Variants in DACH2 observed in about 807,000 individuals in gnomAD.
The protein encoded by DACH2 is dachshund family transcription factor 2, also known as dachshund homolog 2.
In DACH2, 17 loss-of-function variants were observed where a neutral mutation model predicts 35.8. That is an observed-to-expected ratio of 0.48 (90% CI 0.33 to 0.71). The LOEUF (loss-of-function observed/expected upper bound fraction) is 0.71. Ranked by LOEUF, DACH2 falls within the 30% of genes least tolerant of loss-of-function variation. The probability of loss-of-function intolerance (pLI) is 0.02; values close to 1 mark genes in which losing one functional copy is unlikely to be tolerated. For missense variants in DACH2, 469 were observed against 472.7 expected (o/e 0.99, Z 0.07); for synonymous variants, 195 against 177.3 (o/e 1.10, Z -0.79).
chrX:86,670,961 C>T (rs768557172), intron 4 of DACH2, among the ~76,000 whole-genome samples: 2 of 111,807 alleles, frequency 1.8e-5, no homozygotes, highest in South Asian at 7.4e-4. Context: ...CAGATAGAAT[C>T]GCTAGTGACA....
At chrX:86,794,387 AGG>A (rs1244926917) in intron 7 of DACH2, among the ~76,000 whole-genome samples, 1 of 110,904 alleles carries the variant, frequency 9.0e-6, no homozygotes, top group African/African-American at 3.3e-5. Flanking sequence ...TAATTTTAGT[AGG>A]AGTAAAATTA....
At chrX:86,294,097 A>G (rs1163752998) in intron 1 of DACH2, among the ~76,000 whole-genome samples, 2 of 111,157 alleles carry the variant, frequency 1.8e-5, no homozygotes, top group Non-Finnish European at 3.8e-5. Context: ...ACATAGTCCC[A>G]TATTTCTTGG....
At position 86,632,033 on chromosome X, in the gene DACH2, C is replaced by A. The variant is rs1231356698; in HGVS notation, c.641-19003C>A. Among the ~76,000 whole-genome samples, 5 of 111,750 alleles carry A rather than the reference C, an allele frequency of 4.5e-5. No homozygotes were observed. The Admixed American group carries it at 4.8e-4, about 11-fold the overall frequency. On this transcript the variant is annotated intron_variant, in intron 3 of 11. Transcript: ENST00000373125. ...ATTGCTTCATAAAGGACCTTAAGGACAATCTGGCTGAATTCCATTTTGCAC... is the reference window on the plus strand; with the variant it reads ...ATTGCTTCATAAAGGACCTTAAGGAAAATCTGGCTGAATTCCATTTTGCAC...
In DACH2 at chrX:86,818,972, T is replaced by C. The variant is rs189125538; in HGVS notation, c.1750+2873T>C. Among the ~76,000 whole-genome samples, 901 of 107,733 alleles carry C rather than the reference T, an allele frequency of 8.4e-3. 10 individuals carry two copies. The highest frequency in any genetic ancestry group is 0.028 in the African/African-American group (844 of 29,987). 93.6% of individuals were successfully genotyped at this position (107,733 alleles called of 115,157 possible). ...AGACAAACTGCACATGTACCAGAAA[T>C]CTTATATATATAAGATTTTATATAT... On this transcript the variant is annotated intron_variant, in intron 11 of 11. Coordinates refer to ENST00000373125, the MANE Select transcript of DACH2 (RefSeq NM_053281.3).
chrX:86,269,301 C>T (rs903733611), intron 1 of DACH2, among the ~76,000 whole-genome samples: 1 of 111,893 alleles, frequency 8.9e-6, no homozygotes, highest in South Asian at 3.7e-4. Flanking sequence ...AGTATTATCC[C>T]GTGTTGTTGC....
rs780423253 is a variant in DACH2, at chrX:86,283,869, T to TACACAC, written c.489-92954_489-92953insCACACA. Among the ~76,000 whole-genome samples, 64 of 55,018 alleles carry TACACAC rather than the reference T, an allele frequency of 1.2e-3. No homozygotes were observed. The South Asian group carries it at 0.017, about 15-fold the overall frequency. 47.8% of individuals were successfully genotyped at this position (55,018 alleles called of 115,157 possible). On this transcript the variant is annotated intron_variant, in intron 1 of 11. Transcript: ENST00000373125. ...CACATGTATCCCAGAACTTAAAGTATATACACACACACACACACACACACA... is the reference window on the plus strand; with the variant it reads ...CACATGTATCCCAGAACTTAAAGTATACACACATACACACACACACACACACACACA...
intron 3 of DACH2, among the ~76,000 whole-genome samples, chrX:86,529,469 G>A (rs1044827595): frequency 1.1e-5 from 1 of 94,215 alleles, no homozygotes; most frequent in Non-Finnish European, 2.2e-5. Context: ...ACCCCCATGT[G>A]ATCAACATTT....
chrX:86,253,683 G>GA (rs2033446916), intron 1 of DACH2, among the ~76,000 whole-genome samples: 1 of 111,466 alleles, frequency 9.0e-6, no homozygotes, highest in South Asian at 3.7e-4. Context: ...ATTTGTGTCT[G>GA]AAAAATTATT....
At chrX:86,325,124 A>T (rs867406262) in intron 1 of DACH2, among the ~76,000 whole-genome samples, 33 of 111,567 alleles carry the variant, frequency 3.0e-4, no homozygotes, top group African/African-American at 1.1e-3. Context: ...GTTTATTGTG[A>T]TATTTACTTT....
intron 3 of DACH2, among the ~76,000 whole-genome samples, chrX:86,543,629 A>T (rs188039223): frequency 9.0e-6 from 1 of 110,993 alleles, no homozygotes; most frequent in Non-Finnish European, 1.9e-5. Flanking sequence ...CATTCAAAGA[A>T]CCAAACCAAT....
intron 1 of DACH2, among the ~76,000 whole-genome samples, chrX:86,206,699 A>C (rs897816368): frequency 9.0e-6 from 1 of 111,717 alleles, no homozygotes; most frequent in African/African-American, 3.3e-5. Flanking sequence ...GTAAATGGGA[A>C]ACATAATAGC....
At chrX:86,290,597 G>A (rs1156936340) in intron 1 of DACH2, among the ~76,000 whole-genome samples, 2 of 109,262 alleles carry the variant, frequency 1.8e-5, no homozygotes, top group East Asian at 5.7e-4. Flanking sequence ...ATTGATTTTT[G>A]TATCAGGTGT....
chrX:86,791,866 G>T lies in DACH2; in HGVS notation c.1241-20990G>T, dbSNP rs1004325811. Among the ~76,000 whole-genome samples, 7 of 111,852 alleles carry T rather than the reference G, an allele frequency of 6.3e-5. No homozygotes were observed. In the South Asian group the frequency reaches 2.6e-3, roughly 41 times the overall value. On this transcript the variant is annotated intron_variant, in intron 7 of 11. Coordinates refer to ENST00000373125, the MANE Select transcript of DACH2 (RefSeq NM_053281.3). ...TTTTATATTAAGTTCAGGGGTACAA[G>T]TAAAGGTTTGTTACATAGATAAACT...
At chrX:86,547,113 C>T (rs5967739) in intron 3 of DACH2, among the ~76,000 whole-genome samples, 20,800 of 110,043 alleles carry the variant, frequency 0.19, 1,549 homozygotes, top group East Asian at 0.27. Flanking sequence ...GTGAGAACAA[C>T]ATGAAACCCT....
intron 4 of DACH2, among the ~76,000 whole-genome samples, chrX:86,662,564 G>C (rs1237336425): frequency 1.8e-5 from 2 of 109,966 alleles, no homozygotes; most frequent in African/African-American, 6.6e-5. Context: ...CTGCACTCCA[G>C]CCTGGGTGAC....
intron 6 of DACH2, among the ~76,000 whole-genome samples, chrX:86,721,205 G>A (rs186816527): frequency 8.9e-6 from 1 of 112,313 alleles, no homozygotes; most frequent in Admixed American, 9.4e-5. Context: ...TTCTCATTAC[G>A]TATGCAAGTT....
chrX:86,496,752 G>T (rs187134046), intron 2 of DACH2, among the ~76,000 whole-genome samples: 28 of 110,204 alleles, frequency 2.5e-4, no homozygotes, highest in Admixed American at 2.3e-3. Context: ...AGCAGGGCAG[G>T]CCTCTCAAGC....
chrX:86,165,638 A>G, intron 1 of DACH2, among the ~76,000 whole-genome samples: 1 of 110,819 alleles, frequency 9.0e-6, no homozygotes, highest in East Asian at 2.8e-4. Context: ...CCTTTGAGAA[A>G]TGTCTTCTCA....
intron 1 of DACH2, among the ~76,000 whole-genome samples, chrX:86,304,104 A>C (rs2034629731): frequency 8.9e-6 from 1 of 112,309 alleles, no homozygotes; most frequent in South Asian, 3.7e-4. Flanking sequence ...TTTTGTGCCA[A>C]GAACACACAA....
Sources: allele counts gnomAD v4.1 joint callset (sites outside exome capture counted in the v4.1 genomes callset), GRCh38; gene constraint gnomAD v4.1.1; transcripts MANE v1.5; gene names NCBI Gene and HGNC (gene_info 2026-07-23, HGNC 2026-07-21).